OSBPL10: variants seen among roughly 807,000 people sequenced by gnomAD.
The protein encoded by OSBPL10 is oxysterol binding protein like 10.
OSBPL10 carries 49 observed loss-of-function variants against 81.7 expected under a neutral mutation model. The ratio of observed to expected loss-of-function variants is 0.60; its 90% CI spans 0.48 to 0.76. The LOEUF (loss-of-function observed/expected upper bound fraction) is 0.76, where lower values mean the gene tolerates loss of function less well. Ranked by LOEUF, OSBPL10 falls within the 30% of genes least tolerant of loss-of-function variation. The pLI is 0.00. For synonymous variants in OSBPL10, 419 were observed against 383.6 expected, an observed-to-expected ratio of 1.09 and a Z score of -1.08; for missense variants, 923 against 987.8, an observed-to-expected ratio of 0.93 and a Z score of 0.88.
chr3:32,060,558 C>CCCTTGTTGGAGTCTGAGTTGAG (rs370411168), intron 1 of OSBPL10, among the ~76,000 whole-genome samples: 7 of 96,072 alleles, frequency 7.3e-5, no homozygotes, highest in Admixed American at 2.5e-4. Context: ...CAATAATATC[C>CCCTTGTTGGAGTCTGAGTTGAG]CCACTCTTCA....
intron 2 of OSBPL10, among the ~76,000 whole-genome samples, chr3:32,015,900 C>G (rs1178518829): frequency 6.6e-6 from 1 of 152,164 alleles, no homozygotes; most frequent in African/African-American, 2.4e-5. Context: ...CAATGAGATA[C>G]CATCTCACAC....
intron 1 of OSBPL10, among the ~76,000 whole-genome samples, chr3:31,962,610 A>T (rs570220194): frequency 5.3e-4 from 81 of 152,242 alleles, no homozygotes; most frequent in African/African-American, 1.9e-3. Flanking sequence ...GCCTGATTCC[A>T]GGGGGCTTTT....
At chr3:31,672,766 T>C (rs924871524) in intron 8 of OSBPL10, among the ~76,000 whole-genome samples, 4 of 152,050 alleles carry the variant, frequency 2.6e-5, no homozygotes. Context: ...CATGCTAGTA[T>C]GTGATTAGGG....
chr3:32,024,502 T>TG (rs1699386223), intron 2 of OSBPL10, among the ~76,000 whole-genome samples: 1 of 149,868 alleles, frequency 6.7e-6, no homozygotes, highest in African/African-American at 2.5e-5. Context: ...TTTTTTTTTT[T>TG]TTTTTGAGAC....
intron 2 of OSBPL10, among the ~76,000 whole-genome samples, chr3:32,010,807 C>T (rs189114587): frequency 1.3e-5 from 2 of 152,354 alleles, no homozygotes; most frequent in African/African-American, 2.4e-5. Flanking sequence ...CCGTGCCTGG[C>T]TCAGAGGGTC....
intron 8 of OSBPL10, among the ~76,000 whole-genome samples, chr3:31,676,814 T>C (rs1700488878): frequency 6.6e-6 from 1 of 152,132 alleles, no homozygotes; most frequent in Non-Finnish European, 1.5e-5. Context: ...TCCACAGCGG[T>C]GCGAGGTTGG....
At chr3:31,983,239 G>A (rs533616404), upstream of OSBPL10, among the ~76,000 whole-genome samples, 7 of 152,312 alleles carry the variant, frequency 4.6e-5, no homozygotes, top group Non-Finnish European at 8.8e-5. Flanking sequence ...ACTGAAGGTG[G>A]GAAGGTAGGT....
At chr3:32,025,572 C>T (rs1189431222) in intron 2 of OSBPL10, among the ~76,000 whole-genome samples, 21 of 152,108 alleles carry the variant, frequency 1.4e-4, no homozygotes, top group Admixed American at 1.4e-3. Flanking sequence ...AACTTGTAAG[C>T]TACTAGTATT....
At chr3:31,851,758 C>G (rs1700773046) in intron 3 of OSBPL10, among the ~76,000 whole-genome samples, 1 of 152,216 alleles carries the variant, frequency 6.6e-6, no homozygotes, top group Non-Finnish European at 1.5e-5. Flanking sequence ...CAAAGGGGGT[C>G]TCAGACTGCA....
In OSBPL10 at chr3:31,856,951, C is replaced by G. The variant is rs111819879; in HGVS notation, c.537+19482G>C. ...ATTAGCTGGGCATGGTGGCGGGCAC[C>G]TGTATTCCCAGCTACGTGGGTGAAT... On this transcript the variant is annotated intron_variant, in intron 3 of 11. Coordinates refer to ENST00000396556, the MANE Select transcript of OSBPL10 (RefSeq NM_017784.5). 1.2e-3 allele frequency among the ~76,000 whole-genome samples: 186 copies of G among 152,238 alleles called. 2 individuals are homozygous for G. The highest frequency in any genetic ancestry group is 4.4e-3 in the African/African-American group (182 of 41,508).
chr3:31,896,916 C>T (rs781220442), intron 1 of OSBPL10, among the ~76,000 whole-genome samples: 5 of 152,092 alleles, frequency 3.3e-5, no homozygotes, highest in Non-Finnish European at 5.9e-5. Context: ...CACCTTCTCT[C>T]GCCACGTCAT....
chr3:32,066,283 A>T, intron 1 of OSBPL10, among the ~76,000 whole-genome samples: 1 of 60,602 alleles, frequency 1.7e-5, no homozygotes, highest in South Asian at 7.2e-4. Flanking sequence ...CTTCAGCAAT[A>T]ATCCTTTCAA....
intron 1 of OSBPL10, among the ~76,000 whole-genome samples, chr3:31,979,015 G>A (rs1241285380): frequency 6.6e-6 from 1 of 152,140 alleles, no homozygotes; most frequent in African/African-American, 2.4e-5. Flanking sequence ...CTGTAATCCA[G>A]GGTAAAAGCT....
intron 7 of OSBPL10, among the ~76,000 whole-genome samples, chr3:31,687,785 G>A (rs1402836491): frequency 2.6e-5 from 4 of 152,076 alleles, no homozygotes; most frequent in African/African-American, 7.2e-5. Flanking sequence ...TTAAGAAGAG[G>A]GGGAAGAGCC....
intron 1 of OSBPL10, among the ~76,000 whole-genome samples, chr3:31,967,635 G>A (rs955428339): frequency 6.6e-6 from 1 of 151,962 alleles, no homozygotes; most frequent in African/African-American, 2.4e-5. Flanking sequence ...ACTTAATAGG[G>A]AAAGGATAAA....
At chr3:31,672,936 A>T (rs1700362724) in intron 8 of OSBPL10, among the ~76,000 whole-genome samples, 1 of 152,178 alleles carries the variant, frequency 6.6e-6, no homozygotes, top group South Asian at 2.1e-4. Context: ...AATTGAGTAC[A>T]TTTAATGCAA....
chr3:31,766,611 T>C (rs773317238), intron 4 of OSBPL10, among the ~76,000 whole-genome samples: 1 of 152,050 alleles, frequency 6.6e-6, no homozygotes, highest in Non-Finnish European at 1.5e-5. Flanking sequence ...ATTGCTGGGA[T>C]TACAGGTATG....
rs563435333 is a variant in OSBPL10, at chr3:32,062,016, C to T, written n.185+15380G>A. On this transcript the variant is annotated intron_variant and non_coding_transcript_variant, in intron 1 of 3. Transcript: ENST00000479173. ...TTGGTTGAATATGCAGATGCAGTAT[C>T]AACGGACATGGAGACCCAACTACAG... Among the ~76,000 whole-genome samples the T allele has an allele frequency of 4.3e-5, 4 of 93,556 alleles. 1 individual carries two copies. Among genetic ancestry groups the T allele is most frequent in the African/African-American group, 1.1e-4 (4 of 36,340 alleles). The allele number at this position is 93,556 out of a possible 152,430, so 61.4% of individuals were successfully genotyped here.
chr3:31,786,384 T>C (rs938348152), intron 4 of OSBPL10, among the ~76,000 whole-genome samples: 1 of 152,216 alleles, frequency 6.6e-6, no homozygotes, highest in African/African-American at 2.4e-5. Flanking sequence ...GACATCTCAG[T>C]CCACTTGGGC....
Sources: allele counts gnomAD v4.1 joint callset (sites outside exome capture counted in the v4.1 genomes callset), GRCh38; gene constraint gnomAD v4.1.1; transcripts MANE v1.5; gene names NCBI Gene and HGNC (gene_info 2026-07-23, HGNC 2026-07-21).